Variants in DROSHA observed in about 807,000 individuals in gnomAD.
DROSHA encodes the protein drosha ribonuclease III, also known as ribonuclease 3.
In DROSHA, 56 loss-of-function variants were observed where a neutral mutation model predicts 181.9. The observed-to-expected ratio is 0.31, with a 90% CI of 0.25 to 0.38. The LOEUF is 0.38. Ranked by LOEUF, DROSHA falls within the 10% of genes least tolerant of loss-of-function variation. The probability of loss-of-function intolerance (pLI) is 1.00; values close to 1 mark genes in which losing one functional copy is unlikely to be tolerated. For missense variants in DROSHA, 1,218 were observed against 1,743.5 expected, an observed-to-expected ratio of 0.70 and a Z score of 5.37; for synonymous variants, 524 against 591.2, an observed-to-expected ratio of 0.89 and a Z score of 1.65.
At chr5:31,402,829 A>G (rs1740183964) in intron 35 of DROSHA, among the ~76,000 whole-genome samples, 1 of 152,128 alleles carries the variant, frequency 6.6e-6, no homozygotes, top group African/African-American at 2.4e-5. Context: ...TTAGAGATGG[A>G]ATCTCGCTGG....
chr5:31,401,223 T>A lies in DROSHA; in HGVS notation c.*209A>T, dbSNP rs1297724037. 1 of 577,774 alleles carries A rather than the reference T, an allele frequency of 1.7e-6. No individual in the cohort carries two copies. The allele number at this position is 577,774 out of a possible 1,614,324, so 35.8% of individuals were successfully genotyped here. A position where few individuals can be genotyped will look rare whatever the true frequency, so the allele number is the denominator to read the frequency against. On this transcript the variant is annotated 3_prime_UTR_variant, in exon 36 of 36. Transcript: ENST00000344624. ...AATGCACATTCACCAAAGTCAAGTT[T>A]TCCGTTAAATAGAAGAAAAATCTAA...
chr5:31,483,626 G>T lies in DROSHA; in HGVS notation c.1999C>A (p.Pro667Thr), dbSNP rs769977886. Residue 667 changes from proline (P) to threonine (T), a missense_variant and splice_region_variant, in exon 16 of 36, where the codon CCT becomes ACT. Around this residue, in one of 8 missense-constraint regions of DROSHA, gnomAD observed 460 missense variants for 774.2 expected, o/e 0.59. Transcript: ENST00000344624. ...LELYDWNLKG[P>T]LFEDSPPCCP... ...CAGGGAGGGCTGTCTTCAAACAAAGGACCTGAAGCAAACAAATGAGAAAAA... is the reference window on the plus strand; with the variant it reads ...CAGGGAGGGCTGTCTTCAAACAAAGTACCTGAAGCAAACAAATGAGAAAAA... 6.4e-7 allele frequency: 1 copy of T among 1,568,554 alleles called. No homozygotes were observed.
intron 13 of DROSHA, among the ~76,000 whole-genome samples, chr5:31,490,747 CT>C (rs1422751454): frequency 5.3e-5 from 8 of 152,146 alleles, no homozygotes; most frequent in Non-Finnish European, 1.2e-4. Flanking sequence ...TTTAACAATT[CT>C]TTTCCTTAGG....
chr5:31,408,669 T>C (rs1238293702), intron 33 of DROSHA: 1 of 179,566 alleles, frequency 5.6e-6, no homozygotes, highest in East Asian at 1.5e-4. Flanking sequence ...CAAATAATCA[T>C]ACATGATCTT....
intron 13 of DROSHA, among the ~76,000 whole-genome samples, chr5:31,491,774 G>A (rs1460801393): frequency 6.6e-6 from 1 of 151,198 alleles, no homozygotes; most frequent in Non-Finnish European, 1.5e-5. Flanking sequence ...TTTAAGAATG[G>A]CCTAATACTA....
intron 16 of DROSHA, among the ~76,000 whole-genome samples, chr5:31,477,448 TAAC>T (rs993607155): frequency 2.6e-5 from 4 of 152,208 alleles, no homozygotes; most frequent in African/African-American, 9.6e-5. Context: ...AAATACGTAT[TAAC>T]AAGTCTTTTC....
intron 9 of DROSHA, among the ~76,000 whole-genome samples, chr5:31,509,809 A>T (rs1738457778): frequency 6.6e-6 from 1 of 152,254 alleles, no homozygotes; most frequent in South Asian, 2.1e-4. Context: ...ACATGATTCC[A>T]CATATATGAG....
intron 25 of DROSHA, 94 bp downstream of exon 25, chr5:31,435,671 T>G (rs893358359): frequency 6.6e-5 from 73 of 1,102,936 alleles, no homozygotes; most frequent in Middle Eastern, 2.0e-4. Flanking sequence ...TCCTAATATA[T>G]CCTAACGAGT....
Position 31,466,168 on chromosome 5 carries a change from A to T in DROSHA, c.2466+14T>A. ...ATCATCGTTAATCACCAAGGAATGG[A>T]GTTTGATACAGACCTCCCTCTGTGC... On this transcript the variant is annotated intron_variant, in intron 19 of 35. Coordinates refer to ENST00000344624, the MANE Select transcript of DROSHA (RefSeq NM_001382508.1). The T allele has an allele frequency of 1.2e-6, 2 of 1,611,432 alleles. No homozygotes were observed. Among genetic ancestry groups the T allele is most frequent in the African/African-American group, 1.3e-5 (1 of 74,960 alleles).
At chr5:31,483,864 G>A (rs1197187445) in intron 15 of DROSHA, among the ~76,000 whole-genome samples, 1 of 152,040 alleles carries the variant, frequency 6.6e-6, no homozygotes, top group East Asian at 1.9e-4. Flanking sequence ...GCAAGAAGAG[G>A]ATGAAAGCCC....
chr5:31,531,486 C>T lies in DROSHA; in HGVS notation c.-210G>A, dbSNP rs759289203. ...ACTCTCTTTTCTCCGTCTGTCTCTTCTCGGTTGCGGTTTGGAAACAGAGAC... is the reference window on the plus strand; with the variant it reads ...ACTCTCTTTTCTCCGTCTGTCTCTTTTCGGTTGCGGTTTGGAAACAGAGAC... On this transcript the variant is annotated 5_prime_UTR_variant, in exon 2 of 36. Transcript: ENST00000344624. 2.0e-5 allele frequency: 3 copies of T among 152,198 alleles called. No individual in the cohort carries two copies. The highest frequency in any genetic ancestry group is 4.4e-5 in the Non-Finnish European group (3 of 68,036). 9.4% of individuals were successfully genotyped at this position (152,198 alleles called of 1,614,324 possible).
At chr5:31,507,568 A>G (rs1332066170) in intron 10 of DROSHA, among the ~76,000 whole-genome samples, 3 of 151,996 alleles carry the variant, frequency 2.0e-5, no homozygotes, top group African/African-American at 4.8e-5. Context: ...GTGAGCCGTT[A>G]TTGCGCCAGT....
intron 9 of DROSHA, among the ~76,000 whole-genome samples, chr5:31,509,747 A>G (rs548952504): frequency 8.3e-4 from 126 of 152,258 alleles, no homozygotes; most frequent in Non-Finnish European, 1.6e-3. Flanking sequence ...GAATAAAAAC[A>G]GACACAGACT....
chr5:31,504,624 TC>T lies in DROSHA; in HGVS notation c.1598del (p.Gly533AspfsTer32). The T allele has an allele frequency of 6.2e-7, 1 of 1,613,936 alleles. No individual in the cohort carries two copies. Among genetic ancestry groups the T allele is most frequent in the South Asian group, 1.1e-5 (1 of 91,070 alleles). ...WYNDPGQMND[G>X]PLCKCSAKAR... ...CCTTTGCGCTGCATTTGCAGAGTGG[TC>T]CATCATTCATCTGTCAGAAACACAA... On this transcript the variant is annotated frameshift_variant, in exon 11 of 36. Coordinates refer to ENST00000344624, the MANE Select transcript of DROSHA (RefSeq NM_001382508.1). LOFTEE classifies it high-confidence loss of function.
chr5:31,451,564 C>A lies in DROSHA; in HGVS notation c.2651G>T (p.Gly884Val). ...CAGACAACGATCTTGGAAAGTATAT[C>A]CTATCAACTTGTCCAAATGCATTAG... ...QCLMHLDKLIGYTFQDRCLLQ... is the reference protein window; with the variant it reads ...QCLMHLDKLIVYTFQDRCLLQ... The change falls in exon 21 of 36, where the codon GGA becomes GTA. Residue 884 changes from glycine (G) to valine (V), a missense_variant. Physicochemically the swap from Gly to Val is moderately radical, Grantham distance 109. Around this residue, in one of 8 missense-constraint regions of DROSHA, gnomAD observed 460 missense variants for 774.2 expected, o/e 0.59. Transcript: ENST00000344624. 1 of 1,612,378 alleles carries A rather than the reference C, an allele frequency of 6.2e-7. No individual in the cohort carries two copies. The highest frequency in any genetic ancestry group is 1.3e-5 in the African/African-American group (1 of 75,000).
At chr5:31,469,663 T>C (rs1429678550) in intron 17 of DROSHA, among the ~76,000 whole-genome samples, 1 of 152,062 alleles carries the variant, frequency 6.6e-6, no homozygotes, top group Non-Finnish European at 1.5e-5. Flanking sequence ...TTAAACACCA[T>C]GCCATGGTAC....
chr5:31,438,197 C>T (rs558790958), intron 23 of DROSHA, among the ~76,000 whole-genome samples: 4 of 152,316 alleles, frequency 2.6e-5, no homozygotes, highest in Admixed American at 2.0e-4. Flanking sequence ...TCTCTCAGTA[C>T]TAATGTGCTT....
At chr5:31,478,861 A>G (rs1167513062) in intron 16 of DROSHA, among the ~76,000 whole-genome samples, 1 of 152,216 alleles carries the variant, frequency 6.6e-6, no homozygotes, top group African/African-American at 2.4e-5. Flanking sequence ...AACTTGGCCA[A>G]CATCATTCTG....
At chr5:31,460,682 A>G (rs758695083) in intron 20 of DROSHA, among the ~76,000 whole-genome samples, 8 of 152,198 alleles carry the variant, frequency 5.3e-5, no homozygotes, top group Non-Finnish European at 1.2e-4. Flanking sequence ...AATAATCATA[A>G]AATTATTCAA....
Sources: gnomAD v4.1 joint callset for allele counts (sites outside exome capture counted in the v4.1 genomes callset) on GRCh38, gnomAD v4.1.1 for gene constraint, gnomAD v4.1.1 regional missense constraint, MANE v1.5 for transcripts, NCBI Gene and HGNC (gene_info 2026-07-23, HGNC 2026-07-21) for gene names.